The following LARP4B variants were observed in gnomAD, a reference collection of about 807,000 sequenced individuals.
The protein encoded by LARP4B is la-related protein 4B.
Under a neutral mutation model 89.8 loss-of-function variants are expected in LARP4B, and 12 were observed. That is an observed-to-expected ratio of 0.13 (90% CI 0.09 to 0.22). The LOEUF (loss-of-function observed/expected upper bound fraction) is 0.22. Ranked by LOEUF, LARP4B falls within the 10% of genes least tolerant of loss-of-function variation. The pLI is 1.00. For synonymous variants in LARP4B, 367 were observed against 363.3 expected (o/e 1.01, Z -0.12); for missense variants, 757 against 947.7 (o/e 0.80, Z 2.64).
upstream of LARP4B, among the ~76,000 whole-genome samples, chr10:934,884 G>C (rs553909278): frequency 1.8e-4 from 28 of 152,214 alleles, no homozygotes; most frequent in African/African-American, 5.5e-4. Flanking sequence ...GTGGCGTCGC[G>C]GTTGGTCTCT....
At chr10:936,044 C>G (rs371205218), upstream of LARP4B, among the ~76,000 whole-genome samples, 299 of 152,188 alleles carry the variant, frequency 2.0e-3, 1 homozygote, top group African/African-American at 6.7e-3. Flanking sequence ...TTTATTTTAT[C>G]CCGAAGCATT....
intron 1 of LARP4B, among the ~76,000 whole-genome samples, chr10:887,563 T>C (rs1396183535): frequency 6.8e-6 from 1 of 147,240 alleles, no homozygotes. Context: ...ATTTAAAAAC[T>C]AGCCAGGAAC....
chr10:950,215 C>A, the LARP4B span, among the ~76,000 whole-genome samples: 5 of 152,140 alleles, frequency 3.3e-5, no homozygotes, highest in Non-Finnish European at 7.3e-5. Flanking sequence ...CTTAACATAG[C>A]CTTTTGCGGA....
intron 5 of LARP4B, among the ~76,000 whole-genome samples, chr10:857,028 G>A (rs776150479): frequency 3.9e-5 from 6 of 151,970 alleles, no homozygotes; most frequent in Non-Finnish European, 7.4e-5. Flanking sequence ...TATGGAAGGC[G>A]TCCCCTGCCC....
intron 5 of LARP4B, among the ~76,000 whole-genome samples, chr10:854,289 A>G (rs1834195102): frequency 6.6e-6 from 1 of 152,156 alleles, no homozygotes; most frequent in South Asian, 2.1e-4. Context: ...TAATGTTGAC[A>G]TTTTGGCCTT....
At chr10:890,692 T>C (rs1835991104) in intron 1 of LARP4B, among the ~76,000 whole-genome samples, 1 of 152,048 alleles carries the variant, frequency 6.6e-6, no homozygotes, top group Non-Finnish European at 1.5e-5. Flanking sequence ...ATTTTGCAAT[T>C]TTGTAGTTTG....
the LARP4B span, among the ~76,000 whole-genome samples, chr10:968,502 G>A: frequency 1.3e-5 from 2 of 152,156 alleles, no homozygotes; most frequent in African/African-American, 4.8e-5. Context: ...CCCCATGTGA[G>A]CATCTTGACT....
chr10:859,552 T>C (rs1285351185), intron 5 of LARP4B, among the ~76,000 whole-genome samples: 1 of 152,162 alleles, frequency 6.6e-6, no homozygotes, highest in Non-Finnish European at 1.5e-5. Context: ...GTTAAAAACT[T>C]CCTTCCGTAC....
the LARP4B span, among the ~76,000 whole-genome samples, chr10:944,421 G>A: frequency 1.4e-4 from 22 of 152,172 alleles, no homozygotes; most frequent in Non-Finnish European, 1.5e-5. Flanking sequence ...CTTGGAGCTG[G>A]CAGATTTGGG....
intron 1 of LARP4B, among the ~76,000 whole-genome samples, chr10:913,635 A>G (rs986455456): frequency 1.3e-5 from 2 of 152,376 alleles, no homozygotes; most frequent in African/African-American, 4.8e-5. Flanking sequence ...TTCAAGCATA[A>G]TAACTGTTAA....
chr10:826,776 C>T (rs1344111263), intron 11 of LARP4B, among the ~76,000 whole-genome samples: 3 of 151,950 alleles, frequency 2.0e-5, no homozygotes, highest in African/African-American at 4.8e-5. Context: ...GACAGAGATA[C>T]GCATAGAGCC....
At chr10:929,110 T>C (rs1368275716) in intron 1 of LARP4B, among the ~76,000 whole-genome samples, 2 of 152,224 alleles carry the variant, frequency 1.3e-5, no homozygotes, top group African/African-American at 4.8e-5. Context: ...GTACCCATGT[T>C]ATCTTTTTTT....
the LARP4B span, among the ~76,000 whole-genome samples, chr10:959,504 G>A: frequency 4.8e-4 from 3 of 6,224 alleles, no homozygotes; most frequent in African/African-American, 1.2e-3. Flanking sequence ...CCACCTCCCC[G>A]TCAATCCACC....
chr10:896,988 ATTT>A (rs58205872), intron 1 of LARP4B, among the ~76,000 whole-genome samples: 3,809 of 137,442 alleles, frequency 0.028, 63 homozygotes, highest in Admixed American at 0.066. Context: ...TTGTGGGAGA[ATTT>A]TTTTTTTTTT....
chr10:866,677 G>C (rs148819351), intron 3 of LARP4B, among the ~76,000 whole-genome samples: 1 of 152,096 alleles, frequency 6.6e-6, no homozygotes, highest in Non-Finnish European at 1.5e-5. Flanking sequence ...TTCCAGCCTC[G>C]GTTCCATTCC....
In LARP4B at chr10:810,017, G is replaced by C. The variant is rs1184604223; in HGVS notation, c.*2909C>G. On this transcript the variant is annotated 3_prime_UTR_variant, in exon 18 of 18. Coordinates refer to ENST00000316157, the MANE Select transcript of LARP4B (RefSeq NM_015155.3). ...CTCTCAGAGAACGACGACTCCACTTGAAATTCATGTCTGGTGAAACGGGAC... is the reference window on the plus strand; with the variant it reads ...CTCTCAGAGAACGACGACTCCACTTCAAATTCATGTCTGGTGAAACGGGAC... The C allele has an allele frequency of 6.6e-6, 1 of 152,228 alleles. No homozygotes were observed. The highest frequency in any genetic ancestry group is 1.5e-5 in the Non-Finnish European group (1 of 68,042). 9.4% of individuals were successfully genotyped at this position (152,228 alleles called of 1,614,324 possible).
chr10:985,864 G>A, the LARP4B span: 2 of 152,212 alleles, frequency 1.3e-5, no homozygotes, highest in African/African-American at 2.4e-5. Context: ...CCTGAGGTGA[G>A]GGATGGCAAA....
chr10:816,106 G>A (rs1832041209), intron 15 of LARP4B, among the ~76,000 whole-genome samples: 1 of 152,204 alleles, frequency 6.6e-6, no homozygotes. Context: ...GTGCATGCCT[G>A]TAGTCCCAGC....
At chr10:914,243 G>A (rs553008205) in intron 1 of LARP4B, among the ~76,000 whole-genome samples, 7 of 152,146 alleles carry the variant, frequency 4.6e-5, no homozygotes, top group African/African-American at 9.6e-5. Context: ...GTTAATATAC[G>A]TAATTAAAAC....
Sources: gnomAD v4.1 joint callset for allele counts (sites outside exome capture counted in the v4.1 genomes callset) on GRCh38, gnomAD v4.1.1 for gene constraint, MANE v1.5 for transcripts, NCBI Gene and HGNC (gene_info 2026-07-23, HGNC 2026-07-21) for gene names.